Variants in GTF2I observed in about 807,000 individuals in gnomAD.
The protein encoded by GTF2I is general transcription factor II-I.
In GTF2I, 12 loss-of-function variants were observed where a neutral mutation model predicts 67.6. That is an observed-to-expected ratio of 0.18 (90% CI 0.11 to 0.29). The LOEUF (loss-of-function observed/expected upper bound fraction) is 0.29. Among genes scored for constraint, GTF2I ranks in the 10% least tolerant of loss-of-function variants. GTF2I has a pLI of 1.00. For missense variants in GTF2I, 271 were observed against 580.1 expected (o/e 0.47, Z 5.47); for synonymous variants, 149 against 197.0 (o/e 0.76, Z 2.04).
At chr7:74,705,800 G>T (rs1790578889) in intron 7 of GTF2I, among the ~76,000 whole-genome samples, 1 of 151,876 alleles carries the variant, frequency 6.6e-6, no homozygotes, top group Non-Finnish European at 1.5e-5. Flanking sequence ...CTGACCTCGG[G>T]TGATCCACCT....
At chr7:74,673,623 C>T (rs1584091936) in intron 1 of GTF2I, among the ~76,000 whole-genome samples, 2 of 151,614 alleles carry the variant, frequency 1.3e-5, no homozygotes, top group Non-Finnish European at 2.9e-5. Flanking sequence ...AGGTGATTGC[C>T]TCACCTCGCC....
intron 14 of GTF2I, among the ~76,000 whole-genome samples, chr7:74,732,050 C>T (rs587741478): frequency 5.2e-4 from 77 of 147,664 alleles, no homozygotes; most frequent in Middle Eastern, 3.6e-3. Flanking sequence ...AAGTGCTTCA[C>T]GTAATACCTG....
intron 1 of GTF2I, among the ~76,000 whole-genome samples, chr7:74,675,129 A>G (rs1389301969): frequency 6.6e-6 from 1 of 152,354 alleles, no homozygotes; most frequent in Non-Finnish European, 1.5e-5. Flanking sequence ...CTGGGATTAC[A>G]GGTGTGAGCC....
chr7:74,702,721 TTTTC>T (rs1322600884), intron 6 of GTF2I, among the ~76,000 whole-genome samples: 13 of 151,994 alleles, frequency 8.6e-5, no homozygotes, highest in South Asian at 2.1e-4. Context: ...GTGTTTTTAC[TTTTC>T]TTTCTTTCTT....
rs186723604 is a variant in GTF2I, at chr7:74,676,258, G to A, written c.-5-12866G>A. Among the ~76,000 whole-genome samples, 4 of 152,014 alleles carry A rather than the reference G, an allele frequency of 2.6e-5. No individual in the cohort carries two copies. The East Asian group carries it at 5.8e-4, about 22-fold the overall frequency. ...GAAGTTAATTTCTTTGCTGTCATTCGAAAGACAAACTGATAGGGTCAGCAA... is the reference window on the plus strand; with the variant it reads ...GAAGTTAATTTCTTTGCTGTCATTCAAAAGACAAACTGATAGGGTCAGCAA... On this transcript the variant is annotated intron_variant, in intron 1 of 34. Coordinates refer to ENST00000573035, the MANE Select transcript of GTF2I (RefSeq NM_032999.4).
intron 6 of GTF2I, 71 bp from the exon 7 acceptor site, chr7:74,705,071 GTTCTACCCCACTAATTCTATAT>G: frequency 1.3e-6 from 1 of 796,722 alleles, no homozygotes; most frequent in Non-Finnish European, 2.2e-6. Flanking sequence ...GCAAAGCCTA[GTTCTACCCCACTAATTCTATAT>G]TTAAAGCCTT....
At chr7:74,716,844 T>C (rs1554403725) in intron 10 of GTF2I, 50 bp from the exon 11 acceptor site, 1 of 1,216,662 alleles carries the variant, frequency 8.2e-7, no homozygotes, top group Admixed American at 1.8e-5. Flanking sequence ...CTTTCATCTT[T>C]CAATGTCAGT....
chr7:74,667,689 T>A (rs1805100480), intron 1 of GTF2I, among the ~76,000 whole-genome samples: 1 of 151,798 alleles, frequency 6.6e-6, no homozygotes, highest in Non-Finnish European at 1.5e-5. Flanking sequence ...CTTGATTTTT[T>A]TATTTTTTGT....
chr7:74,710,121 T>TA (rs1186377848), intron 8 of GTF2I, among the ~76,000 whole-genome samples: 19 of 152,086 alleles, frequency 1.2e-4, no homozygotes, highest in Non-Finnish European at 2.2e-4. Flanking sequence ...GGCAATGGAG[T>TA]AACTCCTTTT....
intron 8 of GTF2I, among the ~76,000 whole-genome samples, chr7:74,707,075 CCT>C (rs1467468679): frequency 1.3e-5 from 2 of 152,204 alleles, no homozygotes; most frequent in Non-Finnish European, 2.9e-5. Flanking sequence ...GTCTTGAACT[CCT>C]GACCTCAAGT....
At chr7:74,660,882 C>T (rs1230693550) in intron 1 of GTF2I, among the ~76,000 whole-genome samples, 1 of 152,136 alleles carries the variant, frequency 6.6e-6, no homozygotes, top group Non-Finnish European at 1.5e-5. Flanking sequence ...ATGTCTTTCT[C>T]CCTCCACTTC....
intron 1 of GTF2I, among the ~76,000 whole-genome samples, chr7:74,681,835 C>A (rs377215732): frequency 1.3e-5 from 2 of 152,178 alleles, no homozygotes; most frequent in African/African-American, 4.8e-5. Flanking sequence ...TCACTTGAAC[C>A]CAGGAGGTGG....
intron 1 of GTF2I, among the ~76,000 whole-genome samples, chr7:74,669,523 T>G (rs1805274838): frequency 6.7e-6 from 1 of 148,870 alleles, no homozygotes; most frequent in Admixed American, 6.8e-5. Flanking sequence ...GAACCATCGC[T>G]CCCAGCTGGA....
chr7:74,684,360 G>T (rs1355211764), intron 1 of GTF2I, among the ~76,000 whole-genome samples: 1 of 152,246 alleles, frequency 6.6e-6, no homozygotes, highest in Non-Finnish European at 1.5e-5. Flanking sequence ...CGAGATGGCT[G>T]TCTGCTGAAC....
intron 11 of GTF2I, among the ~76,000 whole-genome samples, chr7:74,718,160 T>G (rs1792497851): frequency 6.6e-6 from 1 of 152,254 alleles, no homozygotes; most frequent in South Asian, 2.1e-4. Flanking sequence ...TACTGTCATA[T>G]TCCAGTGTTA....
chr7:74,692,632 T>A (rs1335398566), intron 3 of GTF2I, among the ~76,000 whole-genome samples: 1 of 152,366 alleles, frequency 6.6e-6, no homozygotes, highest in East Asian at 1.9e-4. Context: ...TATCTGTGTT[T>A]AACCTAACAC....
intron 12 of GTF2I, among the ~76,000 whole-genome samples, chr7:74,724,876 G>A (rs1469514479): frequency 6.6e-6 from 1 of 152,070 alleles, no homozygotes; most frequent in Non-Finnish European, 1.5e-5. Context: ...AGCCAAGATC[G>A]TGCCACTGCC....
intron 8 of GTF2I, among the ~76,000 whole-genome samples, chr7:74,709,954 C>T (rs1554402202): frequency 1.3e-5 from 2 of 152,112 alleles, no homozygotes; most frequent in African/African-American, 2.4e-5. Context: ...ATTACAGGCA[C>T]GAGCCACCGC....
At chr7:74,663,929 A>G (rs2131185886) in intron 1 of GTF2I, among the ~76,000 whole-genome samples, 1 of 152,184 alleles carries the variant, frequency 6.6e-6, no homozygotes, top group Admixed American at 6.6e-5. Context: ...TCCTGGGTTC[A>G]AGCGATTCTC....
Sources: gnomAD v4.1 joint callset for allele counts (sites outside exome capture counted in the v4.1 genomes callset) on GRCh38, gnomAD v4.1.1 for gene constraint, MANE v1.5 for transcripts, NCBI Gene and HGNC (gene_info 2026-07-23, HGNC 2026-07-21) for gene names.